Variants in DLC1 observed in about 807,000 individuals in gnomAD.
The protein encoded by DLC1 is rho GTPase-activating protein 7.
Under a neutral mutation model 140.3 loss-of-function variants are expected in DLC1, and 54 were observed. The observed-to-expected ratio is 0.38, with a 90% CI of 0.31 to 0.48. DLC1 has a LOEUF of 0.48. DLC1 is among the 20% of genes least tolerant of loss of function. DLC1 has a pLI of 0.96. For missense variants in DLC1, 2,536 were observed against 1,907.0 expected (o/e 1.33, Z -6.14); for synonymous variants, 986 against 728.1 (o/e 1.35, Z -5.70).
At chr8:13,371,905 TA>T (rs149387548) in intron 4 of DLC1, among the ~76,000 whole-genome samples, 1,683 of 152,266 alleles carry the variant, frequency 0.011, 16 homozygotes, top group Non-Finnish European at 0.016. Flanking sequence ...CAGAAGGTAA[TA>T]TTGGGCATTT....
At chr8:13,416,889 T>C (rs1437860267) in intron 2 of DLC1, among the ~76,000 whole-genome samples, 1 of 152,146 alleles carries the variant, frequency 6.6e-6, no homozygotes, top group Non-Finnish European at 1.5e-5. Context: ...GAAAAAACTT[T>C]TTTTTTTCAC....
At chr8:13,231,308 A>G (rs1190538822) in intron 5 of DLC1, among the ~76,000 whole-genome samples, 2 of 152,032 alleles carry the variant, frequency 1.3e-5, no homozygotes, top group Non-Finnish European at 2.9e-5. Flanking sequence ...ATGTGTCACC[A>G]AAGAGCATTA....
intron 5 of DLC1, among the ~76,000 whole-genome samples, chr8:13,292,487 C>A (rs1032607808): frequency 2.0e-5 from 3 of 152,210 alleles, no homozygotes; most frequent in Non-Finnish European, 4.4e-5. Context: ...TAAGCCAGCT[C>A]TCCACTTTCC....
Position 13,257,280 on chromosome 8 carries a change from T to G in DLC1, c.1348+47989A>C, listed in dbSNP as rs531857815. Among the ~76,000 whole-genome samples the G allele has an allele frequency of 2.6e-5, 4 of 151,676 alleles. No homozygotes were observed. In the South Asian group the frequency reaches 8.3e-4, roughly 32 times the overall value. The stretch of plus-strand genomic sequence containing the variant: ...ATGAGACCCTGTCTCTACAAAAAAG[T>G]TAAAAAATCAGCTGAGCAAGGTGGT... On this transcript the variant is annotated intron_variant, in intron 5 of 17. Coordinates refer to ENST00000276297, the MANE Select transcript of DLC1 (RefSeq NM_182643.3).
At chr8:13,394,817 C>G (rs956104699) in intron 3 of DLC1, among the ~76,000 whole-genome samples, 1 of 152,148 alleles carries the variant, frequency 6.6e-6, no homozygotes, top group African/African-American at 2.4e-5. Flanking sequence ...AGGCCCTGTG[C>G]TCTTTCTTGT....
chr8:13,172,921 G>C (rs942254010), intron 5 of DLC1, among the ~76,000 whole-genome samples: 1 of 152,130 alleles, frequency 6.6e-6, no homozygotes, highest in Non-Finnish European at 1.5e-5. Flanking sequence ...AGTTGATGTT[G>C]CTGCTTCTCT....
chr8:13,321,926 A>T (rs1171056848), intron 4 of DLC1, among the ~76,000 whole-genome samples: 1 of 152,156 alleles, frequency 6.6e-6, no homozygotes, highest in African/African-American at 2.4e-5. Flanking sequence ...TAATTCCTGC[A>T]AATATTTTTT....
At chr8:13,091,700 G>C (rs510271) in intron 13 of DLC1, among the ~76,000 whole-genome samples, 16,590 of 152,142 alleles carry the variant, frequency 0.11, 1,475 homozygotes, top group African/African-American at 0.24. Context: ...ACTGGGAACA[G>C]GGCAGCTTGT....
At chr8:13,135,654 C>T (rs1301151760) in intron 5 of DLC1, among the ~76,000 whole-genome samples, 3 of 152,014 alleles carry the variant, frequency 2.0e-5, no homozygotes, top group Admixed American at 6.6e-5. Context: ...TAAATATCTC[C>T]CCTCCAAATA....
At chr8:13,539,877 G>T (rs113346031) in intron 1 of DLC1, among the ~76,000 whole-genome samples, 12 of 152,002 alleles carry the variant, frequency 7.9e-5, no homozygotes, top group Admixed American at 3.9e-4. Context: ...ACTCCAGGAA[G>T]TGCTGATTCA....
At chr8:13,168,012 G>A (rs1460321774) in intron 5 of DLC1, among the ~76,000 whole-genome samples, 4 of 151,904 alleles carry the variant, frequency 2.6e-5, no homozygotes, top group Non-Finnish European at 2.9e-5. Context: ...TTCATTTTCT[G>A]TGTTCTTAGG....
intron 4 of DLC1, among the ~76,000 whole-genome samples, chr8:13,328,615 T>A (rs1833465017): frequency 6.6e-6 from 1 of 151,962 alleles, no homozygotes; most frequent in South Asian, 2.1e-4. Flanking sequence ...AGAATAGAGG[T>A]CTTGGCTGAA....
rs115618452 is a variant in DLC1, at chr8:13,190,788, A to G, written c.1349-75131T>C. ...AGGGTGGCACAGGGGACAAGAACCA[A>G]GCAGGGTTAGAGTGATGCTGACCTC... is the stretch of plus-strand genomic sequence containing the variant. On this transcript the variant is annotated intron_variant, in intron 5 of 17. Coordinates refer to ENST00000276297, the MANE Select transcript of DLC1 (RefSeq NM_182643.3). Among the ~76,000 whole-genome samples, 977 of 152,238 alleles carry G rather than the reference A, an allele frequency of 6.4e-3. 6 individuals carry two copies. The highest frequency in any genetic ancestry group is 0.022 in the African/African-American group (912 of 41,542).
At chr8:13,299,423 G>T (rs1832092567) in intron 5 of DLC1, among the ~76,000 whole-genome samples, 2 of 149,800 alleles carry the variant, frequency 1.3e-5, no homozygotes, top group African/African-American at 2.4e-5. Context: ...ACTCCAGCCT[G>T]GGCAATAAGA....
intron 4 of DLC1, among the ~76,000 whole-genome samples, chr8:13,358,293 T>A (rs891190264): frequency 6.6e-6 from 1 of 152,214 alleles, no homozygotes; most frequent in African/African-American, 2.4e-5. Context: ...ATAAGCAACC[T>A]GAAGAACCAC....
chr8:13,096,292 C>T (rs957824078), intron 10 of DLC1, among the ~76,000 whole-genome samples: 6 of 151,988 alleles, frequency 3.9e-5, no homozygotes, highest in Non-Finnish European at 8.8e-5. Context: ...TGGGCCACTC[C>T]GAAATGAGAA....
At chr8:13,461,749 C>T (rs1166082188) in intron 2 of DLC1, among the ~76,000 whole-genome samples, 1 of 152,174 alleles carries the variant, frequency 6.6e-6, no homozygotes, top group Non-Finnish European at 1.5e-5. Flanking sequence ...ATGACTTACC[C>T]ACCCAGGATC....
chr8:13,224,919 T>C (rs1206788843), intron 5 of DLC1, among the ~76,000 whole-genome samples: 1 of 152,228 alleles, frequency 6.6e-6, no homozygotes, highest in Non-Finnish European at 1.5e-5. Context: ...TGGAAGCTTC[T>C]GTAGGAATTT....
intron 5 of DLC1, among the ~76,000 whole-genome samples, chr8:13,167,522 C>T (rs766160876): frequency 6.6e-6 from 1 of 152,166 alleles, no homozygotes; most frequent in East Asian, 1.9e-4. Context: ...TCTACCGGGT[C>T]TCAAAGCTGC....
Sources: allele counts gnomAD v4.1 joint callset (sites outside exome capture counted in the v4.1 genomes callset), GRCh38; gene constraint gnomAD v4.1.1; transcripts MANE v1.5; gene names NCBI Gene and HGNC (gene_info 2026-07-23, HGNC 2026-07-21).